The following LINGO2 variants were observed in gnomAD, a reference collection of about 807,000 sequenced individuals.
LINGO2 encodes the protein leucine-rich repeat and immunoglobulin-like domain-containing nogo receptor-interacting protein 2.
In LINGO2, 14 loss-of-function variants were observed where a neutral mutation model predicts 30.6. That is an observed-to-expected ratio of 0.46 (90% CI 0.30 to 0.72). The LOEUF is 0.72. Ranked by LOEUF, LINGO2 falls within the 30% of genes least tolerant of loss-of-function variation. The pLI is 0.07. For missense variants in LINGO2, 729 were observed against 751.7 expected, an observed-to-expected ratio of 0.97 and a Z score of 0.35; for synonymous variants, 317 against 288.5, an observed-to-expected ratio of 1.10 and a Z score of -1.00.
chr9:28,881,184 C>CTGGGT, the LINGO2 span, among the ~76,000 whole-genome samples: 2 of 152,092 alleles, frequency 1.3e-5, no homozygotes, highest in Non-Finnish European at 2.9e-5. Context: ...TAGAAATACC[C>CTGGGT]ACAGGTGTGG....
the LINGO2 span, among the ~76,000 whole-genome samples, chr9:28,771,977 CAAG>C: frequency 6.6e-6 from 1 of 152,120 alleles, no homozygotes. Context: ...CGTAGGAAGA[CAAG>C]GAGTATATCT....
At chr9:27,967,610 G>T (rs919166211) in intron 5 of LINGO2, among the ~76,000 whole-genome samples, 1 of 152,010 alleles carries the variant, frequency 6.6e-6, no homozygotes, top group Admixed American at 6.6e-5. Flanking sequence ...TTTATAAATT[G>T]TTTCAGAGAA....
chr9:28,767,659 G>T, the LINGO2 span, among the ~76,000 whole-genome samples: 1 of 151,822 alleles, frequency 6.6e-6, no homozygotes, highest in Non-Finnish European at 1.5e-5. Flanking sequence ...GGTGGTGGGT[G>T]CCTGTAGTCC....
chr9:28,858,606 T>C, the LINGO2 span, among the ~76,000 whole-genome samples: 1 of 152,032 alleles, frequency 6.6e-6, no homozygotes, highest in Non-Finnish European at 1.5e-5. Context: ...GACTATCAGA[T>C]CAGATCACTG....
chr9:29,036,535 A>G, the LINGO2 span, among the ~76,000 whole-genome samples: 1 of 152,092 alleles, frequency 6.6e-6, no homozygotes, highest in Non-Finnish European at 1.5e-5. Flanking sequence ...AAAAAGTCCA[A>G]TGCTGTAATA....
chr9:28,540,558 G>T (rs1386484451), intron 1 of LINGO2, among the ~76,000 whole-genome samples: 1 of 151,976 alleles, frequency 6.6e-6, no homozygotes, highest in African/African-American at 2.4e-5. Context: ...CACCACACTT[G>T]GCCCATTTTT....
rs10968500 is a variant in LINGO2, at chr9:28,316,288, T to C, written c.-245-20922A>G. 0.014 allele frequency among the ~76,000 whole-genome samples: 2,171 copies of C among 152,192 alleles called. 92 individuals carry two copies. In the East Asian group the frequency reaches 0.15, roughly 10 times the overall value. On this transcript the variant is annotated intron_variant, in intron 3 of 5. Transcript: ENST00000379992. ...TACAATGAAATATATAGTGAGGAGA[T>C]ATGTATTTCATTATCTACTCTTATC...
At chr9:28,789,293 T>C in the LINGO2 span, among the ~76,000 whole-genome samples, 95 of 152,328 alleles carry the variant, frequency 6.2e-4, no homozygotes, top group African/African-American at 2.1e-3. Context: ...ATTTTGTTGT[T>C]TGATAAATAA....
intron 4 of LINGO2, among the ~76,000 whole-genome samples, chr9:28,085,589 G>C (rs941981454): frequency 3.3e-5 from 5 of 152,070 alleles, no homozygotes; most frequent in African/African-American, 1.2e-4. Flanking sequence ...TGCCTTATTG[G>C]AACCACTGCT....
At chr9:28,515,850 A>G (rs1259419276) in intron 1 of LINGO2, among the ~76,000 whole-genome samples, 1 of 152,228 alleles carries the variant, frequency 6.6e-6, no homozygotes, top group South Asian at 2.1e-4. Context: ...GTTATCAGAA[A>G]GCACTCCATG....
At chr9:28,570,146 TC>T (rs1259118343) in intron 1 of LINGO2, among the ~76,000 whole-genome samples, 4 of 151,908 alleles carry the variant, frequency 2.6e-5, no homozygotes, top group Non-Finnish European at 4.4e-5. Context: ...TTTTGATAGT[TC>T]CTGTGGGCAT....
intron 1 of LINGO2, among the ~76,000 whole-genome samples, chr9:28,500,316 T>A (rs932274315): frequency 1.2e-4 from 19 of 152,158 alleles, no homozygotes; most frequent in Non-Finnish European, 1.9e-4. Flanking sequence ...TGACCACATG[T>A]CCTTGTCTTT....
the LINGO2 span, among the ~76,000 whole-genome samples, chr9:28,734,047 T>C: frequency 1.3e-5 from 2 of 152,160 alleles, no homozygotes; most frequent in Non-Finnish European, 1.5e-5. Context: ...CCAAACCCTA[T>C]AGACACTATG....
chr9:28,324,107 T>A (rs1007196238), intron 3 of LINGO2, among the ~76,000 whole-genome samples: 1 of 152,214 alleles, frequency 6.6e-6, no homozygotes, highest in Admixed American at 6.5e-5. Flanking sequence ...GTAAGGCTAA[T>A]ACTTAGAGTC....
At chr9:28,784,892 G>C in the LINGO2 span, among the ~76,000 whole-genome samples, 1 of 151,300 alleles carries the variant, frequency 6.6e-6, no homozygotes, top group African/African-American at 2.4e-5. Context: ...AGGTTGTAGT[G>C]AGCCGAGATC....
At chr9:28,939,096 C>T in the LINGO2 span, among the ~76,000 whole-genome samples, 1 of 152,068 alleles carries the variant, frequency 6.6e-6, no homozygotes, top group Admixed American at 6.6e-5. Context: ...TTTTATAGCT[C>T]CCTGAGAACA....
the LINGO2 span, among the ~76,000 whole-genome samples, chr9:29,098,909 C>G: frequency 6.6e-6 from 1 of 152,034 alleles, no homozygotes; most frequent in South Asian, 2.1e-4. Flanking sequence ...CCACAAAAGA[C>G]CCAGAATAGC....
rs1825352284 is a variant in LINGO2 at position 28,329,673 on chromosome 9, T to C, written c.-245-34307A>G. ...TCCCACTCTCCCCTTCTTTCACTCATTTACCACTGCAACTGCTACCTCCCC... is the reference window on the plus strand; with the variant it reads ...TCCCACTCTCCCCTTCTTTCACTCACTTACCACTGCAACTGCTACCTCCCC... On this transcript the variant is annotated intron_variant, in intron 3 of 5. Transcript: ENST00000379992. This position sits in a 1 kb window ranked among gnomAD's most constrained non-coding sequence, Gnocchi z 4.5. 6.6e-6 allele frequency among the ~76,000 whole-genome samples: 1 copy of C among 152,086 alleles called. No individual in the cohort carries two copies. Among genetic ancestry groups the C allele is most frequent in the Non-Finnish European group, 1.5e-5 (1 of 68,020 alleles).
At chr9:28,829,503 G>T in the LINGO2 span, among the ~76,000 whole-genome samples, 1 of 152,202 alleles carries the variant, frequency 6.6e-6, no homozygotes, top group Non-Finnish European at 1.5e-5. Context: ...GGCTTCAGGG[G>T]ATAACATGGG....
Sources: allele counts gnomAD v4.1 joint callset (sites outside exome capture counted in the v4.1 genomes callset), GRCh38; gene constraint gnomAD v4.1.1; non-coding constraint Gnocchi (gnomAD v3.1); transcripts MANE v1.5; gene names NCBI Gene and HGNC (gene_info 2026-07-23, HGNC 2026-07-21).